Variants in PCDH15 observed in about 807,000 individuals in gnomAD.
PCDH15 encodes protocadherin-15.
In PCDH15, 129 loss-of-function variants were observed where a neutral mutation model predicts 178.5. That is an observed-to-expected ratio of 0.72 (90% CI 0.63 to 0.84). The LOEUF is 0.84. Ranked by LOEUF, PCDH15 falls within the 40% of genes least tolerant of loss-of-function variation. The pLI, the probability that PCDH15 is intolerant of heterozygous loss-of-function variation, is 0.00. For missense variants in PCDH15, 2,230 were observed against 2,099.9 expected (o/e 1.06, Z -1.21); for synonymous variants, 800 against 732.0 (o/e 1.09, Z -1.50).
chr10:55,539,723 ATATCG>A (rs1159021861), intron 2 of PCDH15, among the ~76,000 whole-genome samples: 1 of 152,120 alleles, frequency 6.6e-6, no homozygotes, highest in East Asian at 1.9e-4. Context: ...TTCACACTAT[ATATCG>A]TGAGTTTTTA....
intron 7 of PCDH15, among the ~76,000 whole-genome samples, chr10:54,327,554 T>C (rs2133853991): frequency 6.6e-6 from 1 of 152,044 alleles, no homozygotes; most frequent in African/African-American, 2.4e-5. Flanking sequence ...TACATATTTC[T>C]ATCTACATAT....
Position 54,329,715 on chromosome 10 carries a change from A to T in PCDH15, c.595-9T>A, listed in dbSNP as rs767505392. 2.0e-6 allele frequency: 3 copies of T among 1,472,916 alleles called. No homozygotes were observed. The South Asian group carries it at 3.4e-5, about 17-fold the overall frequency. The allele number at this position is 1,472,916 out of a possible 1,614,324, so 91.2% of individuals were successfully genotyped here. ...AAGGTGTCATTGGATGTCTGCAAAT[A>T]TTAAAGATACAGACTTCAGATTATT... On this transcript the variant is annotated splice_polypyrimidine_tract_variant and intron_variant, in intron 6 of 37. Coordinates refer to ENST00000644397, the MANE Select transcript of PCDH15 (RefSeq NM_001384140.1).
intron 2 of PCDH15, among the ~76,000 whole-genome samples, chr10:54,951,640 T>C (rs1403624376): frequency 6.6e-6 from 1 of 151,934 alleles, no homozygotes; most frequent in East Asian, 1.9e-4. Flanking sequence ...ACTGTCAAAC[T>C]GTCTTTTAAA....
intron 2 of PCDH15, among the ~76,000 whole-genome samples, chr10:54,557,706 T>C (rs1487386712): frequency 2.0e-5 from 3 of 152,120 alleles, no homozygotes; most frequent in African/African-American, 7.2e-5. Flanking sequence ...ACATGAGGCA[T>C]TTTACAGGAG....
intron 2 of PCDH15, among the ~76,000 whole-genome samples, chr10:54,584,533 T>C (rs534801452): frequency 2.4e-4 from 37 of 152,266 alleles, no homozygotes; most frequent in African/African-American, 7.2e-4. Context: ...CCTAAATCTA[T>C]CCAGGGTAAT....
At chr10:54,865,792 A>T (rs1953928691) in intron 3 of PCDH15, among the ~76,000 whole-genome samples, 1 of 152,186 alleles carries the variant, frequency 6.6e-6, no homozygotes, top group Non-Finnish European at 1.5e-5. Flanking sequence ...ACAGAACACA[A>T]AGTAAAGTCA....
rs1947288930 is a variant in PCDH15, at chr10:54,369,291, T to C, written c.319-16A>G. On this transcript the variant is annotated splice_polypyrimidine_tract_variant and intron_variant, in intron 4 of 37. Transcript: ENST00000644397. ...TCATCGGTGGCTGCAATGTAGAAATTGCATCTTTTAAAATACTAATTAAAA... is the reference window on the plus strand; with the variant it reads ...TCATCGGTGGCTGCAATGTAGAAATCGCATCTTTTAAAATACTAATTAAAA... The C allele has an allele frequency of 1.2e-6, 2 of 1,611,070 alleles. No homozygotes were observed. Among genetic ancestry groups the C allele is most frequent in the Non-Finnish European group, 1.7e-6 (2 of 1,178,534 alleles).
intron 3 of PCDH15, among the ~76,000 whole-genome samples, chr10:54,509,936 T>C (rs1328681623): frequency 6.6e-6 from 1 of 152,198 alleles, no homozygotes; most frequent in Non-Finnish European, 1.5e-5. Context: ...CACTGCTGTG[T>C]GACTTCTTCC....
At chr10:55,584,115 C>G (rs893672632) in intron 2 of PCDH15, among the ~76,000 whole-genome samples, 1 of 152,078 alleles carries the variant, frequency 6.6e-6, no homozygotes, top group Non-Finnish European at 1.5e-5. Flanking sequence ...AACTCTTGTG[C>G]TCAAAAACTT....
At chr10:54,074,319 T>C (rs932027375) in intron 17 of PCDH15, among the ~76,000 whole-genome samples, 1 of 152,182 alleles carries the variant, frequency 6.6e-6, no homozygotes, top group Non-Finnish European at 1.5e-5. Flanking sequence ...AAACAAAAGC[T>C]CTATAACATT....
chr10:53,943,896 G>A (rs1330765821), intron 23 of PCDH15, among the ~76,000 whole-genome samples: 1 of 151,958 alleles, frequency 6.6e-6, no homozygotes, highest in African/African-American at 2.4e-5. Context: ...GGATTACAAT[G>A]TACAATATTA....
At position 54,329,641 on chromosome 10, in the gene PCDH15, G is replaced by A; in HGVS notation, c.660C>T (p.Leu220=). ...AGTAGCGAGTCTTATCTTCATAGTT[G>A]AGCCTCTTCCTTAACACTATATTTC... is the stretch of plus-strand genomic sequence containing the variant. ...LTGNIVLRKR[L]NYEDKTRYFV... Residue 220 remains leucine, a synonymous_variant, in exon 7 of 38, where the codon CTC becomes CTT. Coordinates refer to ENST00000644397, the MANE Select transcript of PCDH15 (RefSeq NM_001384140.1). The A allele has an allele frequency of 6.2e-7, 1 of 1,609,216 alleles. No individual in the cohort carries two copies. Among genetic ancestry groups the A allele is most frequent in the Middle Eastern group, 1.7e-4 (1 of 6,040 alleles).
At chr10:54,274,235 A>G (rs546627345) in intron 8 of PCDH15, among the ~76,000 whole-genome samples, 1 of 152,174 alleles carries the variant, frequency 6.6e-6, no homozygotes, top group South Asian at 2.1e-4. Flanking sequence ...ACAAACCACC[A>G]TGATACGAGT....
chr10:55,094,864 A>G (rs922040236), intron 2 of PCDH15, among the ~76,000 whole-genome samples: 10 of 151,782 alleles, frequency 6.6e-5, no homozygotes, highest in Admixed American at 6.6e-4. Context: ...CAAATATCTG[A>G]TAAGTTAATA....
chr10:54,160,179 G>GC (rs149387076), intron 13 of PCDH15, among the ~76,000 whole-genome samples: 2,326 of 151,608 alleles, frequency 0.015, 61 homozygotes, highest in African/African-American at 0.052. Flanking sequence ...GATGATTCAT[G>GC]CCCCCCCCAA....
chr10:55,551,971 T>G (rs2132088862), intron 2 of PCDH15, among the ~76,000 whole-genome samples: 1 of 151,768 alleles, frequency 6.6e-6, no homozygotes, highest in Non-Finnish European at 1.5e-5. Flanking sequence ...TATCTGAAGG[T>G]TTTCCGTATT....
At chr10:54,366,725 T>C (rs1441684397) in intron 5 of PCDH15, among the ~76,000 whole-genome samples, 1 of 151,832 alleles carries the variant, frequency 6.6e-6, no homozygotes, top group Non-Finnish European at 1.5e-5. Flanking sequence ...GTTTTTTTTT[T>C]CAAGAAAGTA....
chr10:55,442,420 T>G (rs913250958), intron 2 of PCDH15, among the ~76,000 whole-genome samples: 5 of 145,210 alleles, frequency 3.4e-5, no homozygotes, highest in Admixed American at 2.1e-4. Flanking sequence ...TTTCACAAAC[T>G]TAATAAAATA....
intron 1 of PCDH15, among the ~76,000 whole-genome samples, chr10:55,302,010 T>C (rs1323899465): frequency 6.6e-6 from 1 of 152,196 alleles, no homozygotes; most frequent in Non-Finnish European, 1.5e-5. Flanking sequence ...ACGAAGTTAG[T>C]AGAATGCTAT....
Sources: gnomAD v4.1 joint callset for allele counts (sites outside exome capture counted in the v4.1 genomes callset) on GRCh38, gnomAD v4.1.1 for gene constraint, MANE v1.5 for transcripts, NCBI Gene and HGNC (gene_info 2026-07-23, HGNC 2026-07-21) for gene names.